Variants in CDH18 observed in about 807,000 individuals in gnomAD.
CDH18 encodes cadherin 18.
A neutral mutation model predicts 67.9 loss-of-function variants in CDH18; 31 were observed. That is an observed-to-expected ratio of 0.46 (90% CI 0.34 to 0.62). CDH18 has a LOEUF of 0.62. Ranked by LOEUF, CDH18 falls within the 20% of genes least tolerant of loss-of-function variation. CDH18 has a pLI of 0.01. For synonymous variants in CDH18, 362 were observed against 347.2 expected (o/e 1.04, Z -0.48); for missense variants, 890 against 975.5 (o/e 0.91, Z 1.17).
chr5:20,386,581 A>C (rs1026601101), intron 1 of CDH18, among the ~76,000 whole-genome samples: 6 of 152,152 alleles, frequency 3.9e-5, no homozygotes, highest in Non-Finnish European at 5.9e-5. Context: ...TGCATAACTT[A>C]AATAATATGG....
At chr5:19,661,682 G>A (rs16899230) in intron 5 of CDH18, among the ~76,000 whole-genome samples, 91,823 of 151,842 alleles carry the variant, frequency 0.6, 29,313 homozygotes, top group South Asian at 0.74. Context: ...AGTGGAACAA[G>A]GTTTTGAGGA....
chr5:19,829,090 T>C (rs1040503971), intron 3 of CDH18, among the ~76,000 whole-genome samples: 3 of 151,624 alleles, frequency 2.0e-5, no homozygotes, highest in African/African-American at 7.3e-5. Context: ...CTATGAAAAA[T>C]CCATAGTGAT....
intron 2 of CDH18, among the ~76,000 whole-genome samples, chr5:20,003,469 T>A (rs979743410): frequency 2.6e-5 from 4 of 152,172 alleles, no homozygotes; most frequent in African/African-American, 9.7e-5. Context: ...TTCCTAGTAA[T>A]TGTACTATAT....
intron 2 of CDH18, among the ~76,000 whole-genome samples, chr5:20,186,689 G>A (rs1270356426): frequency 1.3e-5 from 2 of 151,810 alleles, no homozygotes; most frequent in Admixed American, 6.6e-5. Context: ...TAGATCCCTT[G>A]TACATTGCTG....
chr5:19,999,316 G>A (rs75074758), intron 2 of CDH18, among the ~76,000 whole-genome samples: 2,202 of 152,006 alleles, frequency 0.014, 59 homozygotes, highest in African/African-American at 0.05. Context: ...AACTGTGGAC[G>A]CAACCGGGCA....
intron 9 of CDH18, among the ~76,000 whole-genome samples, chr5:19,526,262 G>A (rs1747737213): frequency 6.6e-6 from 1 of 152,088 alleles, no homozygotes; most frequent in Non-Finnish European, 1.5e-5. Flanking sequence ...CAAAATATAT[G>A]CATGTATTTT....
intron 2 of CDH18, among the ~76,000 whole-genome samples, chr5:20,102,078 A>G (rs1386851385): frequency 6.6e-6 from 1 of 152,154 alleles, no homozygotes; most frequent in Non-Finnish European, 1.5e-5. Flanking sequence ...CTCGGAAAAA[A>G]CAAAAACAAA....
At chr5:19,552,177 A>G (rs1737572168) in intron 8 of CDH18, among the ~76,000 whole-genome samples, 1 of 152,122 alleles carries the variant, frequency 6.6e-6, no homozygotes, top group Non-Finnish European at 1.5e-5. Flanking sequence ...ATGGATTTCT[A>G]ATACTATGCT....
chr5:20,420,446 T>C (rs1452452197), intron 1 of CDH18, among the ~76,000 whole-genome samples: 1 of 151,214 alleles, frequency 6.6e-6, no homozygotes, highest in Non-Finnish European at 1.5e-5. Context: ...ATATATTTAA[T>C]AGATTTTAAC....
In CDH18 at chr5:20,448,494, A is replaced by C. The variant is rs115491691; in HGVS notation, c.-580+126968T>G. On this transcript the variant is annotated intron_variant, in intron 1 of 14. Coordinates refer to the CDH18 transcript ENST00000507958. ...TTTATTAGCTATAGCCAATGAAATT[A>C]GATTCTATATTAGAAAAATGAACTG... Among the ~76,000 whole-genome samples, 353 of 152,274 alleles carry C rather than the reference A, an allele frequency of 2.3e-3. 1 individual carries two copies. Among genetic ancestry groups the C allele is most frequent in the African/African-American group, 7.7e-3 (322 of 41,566 alleles).
intron 1 of CDH18, among the ~76,000 whole-genome samples, chr5:20,549,765 G>A (rs1416174539): frequency 6.6e-6 from 1 of 152,106 alleles, no homozygotes; most frequent in East Asian, 1.9e-4. Flanking sequence ...TTTAATTCAA[G>A]GCAGTAGAGT....
At chr5:20,481,919 C>T (rs1487375773) in intron 1 of CDH18, among the ~76,000 whole-genome samples, 1 of 150,352 alleles carries the variant, frequency 6.7e-6, no homozygotes, top group Non-Finnish European at 1.5e-5. Flanking sequence ...CAAACCAAAC[C>T]CAAAATTAGT....
chr5:19,917,050 C>T (rs1158526549), intron 2 of CDH18, among the ~76,000 whole-genome samples: 2 of 152,128 alleles, frequency 1.3e-5, no homozygotes, highest in Non-Finnish European at 2.9e-5. Flanking sequence ...CTGTTAACCG[C>T]ATGTTTGAAC....
At chr5:20,503,301 A>G (rs1384258951) in intron 1 of CDH18, among the ~76,000 whole-genome samples, 2 of 151,858 alleles carry the variant, frequency 1.3e-5, no homozygotes, top group African/African-American at 4.8e-5. Context: ...GATATTATAT[A>G]AGCGAAAACT....
intron 2 of CDH18, among the ~76,000 whole-genome samples, chr5:20,145,477 G>T (rs991255063): frequency 2.0e-5 from 3 of 152,022 alleles, no homozygotes; most frequent in Admixed American, 6.6e-5. Context: ...ATTTTTCTAT[G>T]TGAAGAAAAG....
chr5:19,853,261 C>T (rs1783911185), intron 2 of CDH18, among the ~76,000 whole-genome samples: 1 of 152,092 alleles, frequency 6.6e-6, no homozygotes, highest in Admixed American at 6.6e-5. Flanking sequence ...GGCCTTTCCT[C>T]AATGTATGTT....
intron 2 of CDH18, among the ~76,000 whole-genome samples, chr5:20,211,715 GA>G: frequency 6.6e-6 from 1 of 152,186 alleles, no homozygotes; most frequent in Non-Finnish European, 1.5e-5. Context: ...AAACAGAAAG[GA>G]ATAGCATCAA....
chr5:19,550,197 C>T (rs1737156110), intron 8 of CDH18, among the ~76,000 whole-genome samples: 1 of 152,068 alleles, frequency 6.6e-6, no homozygotes. Flanking sequence ...AGAAACCACA[C>T]ATCAGCATTC....
intron 2 of CDH18, among the ~76,000 whole-genome samples, chr5:20,058,995 G>A (rs888604847): frequency 4.6e-5 from 7 of 151,976 alleles, no homozygotes; most frequent in Non-Finnish European, 1.0e-4. Context: ...ACTTGTTATT[G>A]GTCTATTCAG....
Sources: allele counts gnomAD v4.1 joint callset (sites outside exome capture counted in the v4.1 genomes callset), GRCh38; gene constraint gnomAD v4.1.1; transcripts MANE v1.5; gene names NCBI Gene and HGNC (gene_info 2026-07-23, HGNC 2026-07-21).